CPQ: variants seen among roughly 807,000 people sequenced by gnomAD.
The protein encoded by CPQ is carboxypeptidase Q.
Under a neutral mutation model 45.7 loss-of-function variants are expected in CPQ, and 37 were observed. The observed-to-expected ratio is 0.81, with a 90% CI of 0.62 to 1.07. CPQ has a LOEUF of 1.07. Among genes scored for constraint, CPQ ranks in the 50% least tolerant of loss-of-function variants. CPQ has a pLI of 0.00. For synonymous variants in CPQ, 186 were observed against 205.8 expected, an observed-to-expected ratio of 0.90 and a Z score of 0.82; for missense variants, 537 against 572.9, an observed-to-expected ratio of 0.94 and a Z score of 0.64.
chr8:96,690,816 C>T (rs965883676), intron 1 of CPQ, among the ~76,000 whole-genome samples: 1 of 152,190 alleles, frequency 6.6e-6, no homozygotes, highest in African/African-American at 2.4e-5. Context: ...GTCCTTTCCT[C>T]ACCTATGACT....
At chr8:96,832,771 GTC>G (rs1811477000) in intron 2 of CPQ, among the ~76,000 whole-genome samples, 1 of 152,164 alleles carries the variant, frequency 6.6e-6, no homozygotes, top group African/African-American at 2.4e-5. Context: ...AGGGAAAAGT[GTC>G]TGTATAGGTA....
chr8:96,833,321 A>C (rs1125408), intron 2 of CPQ, among the ~76,000 whole-genome samples: 86,152 of 152,076 alleles, frequency 0.57, 25,779 homozygotes, highest in East Asian at 0.88. Context: ...CAAAACAAAA[A>C]AAAACTTGAA....
At chr8:96,693,423 A>G (rs1221810990) in intron 1 of CPQ, among the ~76,000 whole-genome samples, 2 of 152,134 alleles carry the variant, frequency 1.3e-5, no homozygotes, top group Admixed American at 6.6e-5. Flanking sequence ...TTAATAGTCA[A>G]TCTCCCAAAG....
chr8:96,815,781 T>C (rs748192786), intron 2 of CPQ, among the ~76,000 whole-genome samples: 2 of 152,120 alleles, frequency 1.3e-5, no homozygotes, highest in Non-Finnish European at 2.9e-5. Context: ...GTAAAGTAAA[T>C]ATCACAATAA....
intron 5 of CPQ, among the ~76,000 whole-genome samples, chr8:96,976,247 C>CAAAAAAAAAAAAAAAAAA (rs55864086): frequency 1.6e-5 from 1 of 60,844 alleles, no homozygotes; most frequent in Non-Finnish European, 2.9e-5. Context: ...CAATAGCTGA[C>CAAAAAAAAAAAAAAAAAA]AAAAAAAAAA....
intron 7 of CPQ, among the ~76,000 whole-genome samples, chr8:97,112,340 G>A (rs1163947195): frequency 6.6e-6 from 1 of 152,094 alleles, no homozygotes; most frequent in Non-Finnish European, 1.5e-5. Flanking sequence ...GTGGGCATAT[G>A]AGAGGGGCAA....
At chr8:96,994,331 A>G (rs1281217730) in intron 5 of CPQ, among the ~76,000 whole-genome samples, 1 of 152,140 alleles carries the variant, frequency 6.6e-6, no homozygotes, top group African/African-American at 2.4e-5. Flanking sequence ...AAAATCATAA[A>G]GCATAGGAAC....
intron 4 of CPQ, among the ~76,000 whole-genome samples, chr8:96,881,333 G>A (rs753492169): frequency 6.6e-5 from 10 of 152,084 alleles, no homozygotes; most frequent in Non-Finnish European, 2.9e-5. Context: ...GGGGGAGTGA[G>A]GTGTCTTAGA....
chr8:96,862,912 T>C (rs1811946323), intron 3 of CPQ, among the ~76,000 whole-genome samples: 1 of 152,008 alleles, frequency 6.6e-6, no homozygotes, highest in South Asian at 2.1e-4. Flanking sequence ...TTGGTCTAGG[T>C]CCAGCTGCTA....
At chr8:96,857,985 C>G (rs1246082319) in intron 3 of CPQ, among the ~76,000 whole-genome samples, 2 of 152,176 alleles carry the variant, frequency 1.3e-5, no homozygotes, top group Admixed American at 1.3e-4. Context: ...TCAGAGGTCT[C>G]TTCACTTTGG....
At chr8:96,888,421 G>GAAAGATGAAAAAAAATACTT (rs1812330847) in intron 4 of CPQ, among the ~76,000 whole-genome samples, 1 of 151,932 alleles carries the variant, frequency 6.6e-6, no homozygotes, top group Admixed American at 6.6e-5. Flanking sequence ...AAAAAATACT[G>GAAAGATGAAAAAAAATACTT]AAAGATGAAA....
intron 7 of CPQ, among the ~76,000 whole-genome samples, chr8:97,128,701 A>C (rs1586555324): frequency 6.6e-6 from 1 of 152,276 alleles, no homozygotes; most frequent in African/African-American, 2.4e-5. Flanking sequence ...ACAAACAAAC[A>C]AACAGAAAAA....
intron 6 of CPQ, among the ~76,000 whole-genome samples, chr8:97,034,915 G>C (rs1482650260): frequency 1.3e-5 from 2 of 149,632 alleles, no homozygotes; most frequent in Non-Finnish European, 3.0e-5. Context: ...TTTCGAGATG[G>C]AGTCGTGCTC....
intron 1 of CPQ, among the ~76,000 whole-genome samples, chr8:96,768,822 A>G (rs1353932477): frequency 6.6e-6 from 1 of 152,174 alleles, no homozygotes; most frequent in Non-Finnish European, 1.5e-5. Flanking sequence ...CGGGAAGGGG[A>G]AGCCTGGCTA....
chr8:96,862,061 G>A (rs1315810537), intron 3 of CPQ, among the ~76,000 whole-genome samples: 2 of 152,036 alleles, frequency 1.3e-5, no homozygotes, highest in African/African-American at 2.4e-5. Context: ...AGTGGCATAA[G>A]CAAAGCCATG....
At chr8:96,738,447 T>A (rs1186177161) in intron 1 of CPQ, among the ~76,000 whole-genome samples, 1 of 151,682 alleles carries the variant, frequency 6.6e-6, no homozygotes, top group East Asian at 1.9e-4. Flanking sequence ...ATTTTTTATT[T>A]TTTTATTTTT....
Position 96,845,202 on chromosome 8 carries a change from C to A in CPQ, c.641+10022C>A, listed in dbSNP as rs542148405. On this transcript the variant is annotated intron_variant, in intron 3 of 7. Coordinates refer to ENST00000220763, the MANE Select transcript of CPQ (RefSeq NM_016134.4). Reference sequence around the variant, plus strand: ...CCTCAAACTCTCTCACACATAATCTCCTCTGTATGCACAGAATCCTAATTA... The same window carrying A: ...CCTCAAACTCTCTCACACATAATCTACTCTGTATGCACAGAATCCTAATTA... 1.8e-4 allele frequency among the ~76,000 whole-genome samples: 28 copies of A among 152,290 alleles called. No homozygotes were observed. In the East Asian group the frequency reaches 5.0e-3, roughly 27 times the overall value.
intron 7 of CPQ, among the ~76,000 whole-genome samples, chr8:97,135,825 C>G (rs1586558250): frequency 6.6e-6 from 1 of 152,208 alleles, no homozygotes; most frequent in African/African-American, 2.4e-5. Flanking sequence ...AAATAACAGA[C>G]TTGAATTTAA....
intron 1 of CPQ, among the ~76,000 whole-genome samples, chr8:96,755,276 G>C (rs1351046024): frequency 6.6e-6 from 1 of 151,934 alleles, no homozygotes; most frequent in Non-Finnish European, 1.5e-5. Flanking sequence ...TCCTCACCAG[G>C]AGGTAACCAC....
Sources: gnomAD v4.1 joint callset for allele counts (sites outside exome capture counted in the v4.1 genomes callset) on GRCh38, gnomAD v4.1.1 for gene constraint, MANE v1.5 for transcripts, NCBI Gene and HGNC (gene_info 2026-07-23, HGNC 2026-07-21) for gene names.